LTBP1: variants seen among roughly 807,000 people sequenced by gnomAD.
LTBP1 encodes the protein latent-transforming growth factor beta-binding protein 1.
A neutral mutation model predicts 207.6 loss-of-function variants in LTBP1; 129 were observed. The observed-to-expected ratio is 0.62, with a 90% confidence interval of 0.54 to 0.72. LTBP1 has a LOEUF of 0.72. Ranked by LOEUF, LTBP1 falls within the 30% of genes least tolerant of loss-of-function variation. LTBP1 has a pLI of 0.00. For missense variants in LTBP1, 2,281 were observed against 2,217.2 expected (o/e 1.03, Z -0.58); for synonymous variants, 963 against 833.7 (o/e 1.16, Z -2.67).
chr2:33,279,400 A>G (rs999042789), intron 18 of LTBP1, among the ~76,000 whole-genome samples: 1 of 152,204 alleles, frequency 6.6e-6, no homozygotes, highest in African/African-American at 2.4e-5. Context: ...TCAGTTAGCT[A>G]TGAATATGAA....
chr2:33,251,788 CG>C (rs746494641), intron 10 of LTBP1, among the ~76,000 whole-genome samples: 175 of 151,556 alleles, frequency 1.2e-3, no homozygotes, highest in Non-Finnish European at 2.1e-3. Context: ...GAATGGGCGG[CG>C]GGGGGACACC....
intron 10 of LTBP1, 27 bp from the exon 11 acceptor site, chr2:33,252,650 A>G (rs2092715914): frequency 1.9e-6 from 3 of 1,584,308 alleles, no homozygotes; most frequent in Non-Finnish European, 1.7e-6. Flanking sequence ...TTCTCATGTA[A>G]TGTCGGGCTT....
At chr2:33,327,571 A>G (rs556106519) in intron 24 of LTBP1, among the ~76,000 whole-genome samples, 1 of 152,178 alleles carries the variant, frequency 6.6e-6, no homozygotes, top group Non-Finnish European at 1.5e-5. Flanking sequence ...TTCCTATTTT[A>G]AAAAAAGTAG....
chr2:33,317,671 A>G (rs902568535), intron 24 of LTBP1: 9 of 152,222 alleles, frequency 5.9e-5, no homozygotes, highest in Non-Finnish European at 1.3e-4. Context: ...TTCTTATCTC[A>G]TGTCCATTTA....
chr2:33,374,476 G>A (rs181616704), intron 31 of LTBP1, among the ~76,000 whole-genome samples: 39 of 152,272 alleles, frequency 2.6e-4, no homozygotes, highest in African/African-American at 8.7e-4. Flanking sequence ...CACTTACAAT[G>A]GAAAATTAAA....
intron 25 of LTBP1, among the ~76,000 whole-genome samples, chr2:33,346,684 C>CAA (rs112831759): frequency 7.8e-6 from 1 of 128,130 alleles, no homozygotes; most frequent in Non-Finnish European, 1.7e-5. Flanking sequence ...GACGCCGTCT[C>CAA]AAAAAAAAAA....
intron 32 of LTBP1, among the ~76,000 whole-genome samples, chr2:33,392,479 C>T (rs957324201): frequency 4.6e-5 from 7 of 152,130 alleles, no homozygotes; most frequent in South Asian, 2.1e-4. Context: ...GACACCGCAC[C>T]GAGCCCAGAT....
intron 7 of LTBP1, among the ~76,000 whole-genome samples, chr2:33,206,074 C>G (rs1334181767): frequency 6.6e-6 from 1 of 152,146 alleles, no homozygotes; most frequent in Non-Finnish European, 1.5e-5. Flanking sequence ...CAATCTAACA[C>G]ATAGTTTTGG....
intron 23 of LTBP1, 116 bp downstream of exon 23, chr2:33,309,672 A>C: frequency 8.2e-7 from 1 of 1,213,980 alleles, no homozygotes; most frequent in Non-Finnish European, 1.2e-6. Context: ...AATTTATGTC[A>C]ATTTTTGATA....
intron 5 of LTBP1, among the ~76,000 whole-genome samples, chr2:33,174,449 G>A (rs572787622): frequency 6.6e-4 from 101 of 152,206 alleles, no homozygotes; most frequent in African/African-American, 2.2e-3. Flanking sequence ...CAACTTACAA[G>A]GGATGTGAAG....
intron 15 of LTBP1, among the ~76,000 whole-genome samples, chr2:33,266,252 G>A (rs893959457): frequency 3.9e-5 from 6 of 152,212 alleles, no homozygotes; most frequent in South Asian, 2.1e-4. Flanking sequence ...GTCCCCTGTC[G>A]CCTTGGCCCC....
chr2:33,222,216 T>C, intron 9 of LTBP1, 65 bp downstream of exon 9: 1 of 1,160,916 alleles, frequency 8.6e-7, no homozygotes, highest in Non-Finnish European at 1.3e-6. Context: ...AAACTTCAGT[T>C]GTTTGCCACG....
intron 5 of LTBP1, among the ~76,000 whole-genome samples, chr2:33,154,766 A>G (rs949389959): frequency 6.6e-6 from 1 of 152,242 alleles, no homozygotes; most frequent in Non-Finnish European, 1.5e-5. Flanking sequence ...ATTATCTACC[A>G]TAAAAGTTGA....
intron 26 of LTBP1, among the ~76,000 whole-genome samples, chr2:33,354,189 G>A (rs535341028): frequency 6.6e-6 from 1 of 152,190 alleles, no homozygotes; most frequent in South Asian, 2.1e-4. Flanking sequence ...TTTAAAGGCA[G>A]GAAGCCACAT....
intron 3 of LTBP1, among the ~76,000 whole-genome samples, chr2:33,085,717 G>T (rs898370215): frequency 6.6e-6 from 1 of 152,152 alleles, no homozygotes; most frequent in African/African-American, 2.4e-5. Context: ...AAGAGGCAGG[G>T]GGGCCAGGAT....
chr2:33,199,110 G>A (rs7564806), intron 7 of LTBP1, among the ~76,000 whole-genome samples: 63,175 of 151,518 alleles, frequency 0.42, 13,699 homozygotes, highest in Non-Finnish European at 0.47. Context: ...CTTTGTTCTC[G>A]TTGGTTTCAA....
chr2:33,139,058 C>T (rs1481565327), intron 5 of LTBP1, among the ~76,000 whole-genome samples: 11 of 147,980 alleles, frequency 7.4e-5, no homozygotes, highest in Admixed American at 1.3e-4. Context: ...CGGGGTTTCA[C>T]CGTGTTAGCC....
chr2:33,350,432 A>T (rs531003316), intron 26 of LTBP1, among the ~76,000 whole-genome samples: 25 of 152,336 alleles, frequency 1.6e-4, no homozygotes, highest in African/African-American at 5.3e-4. Flanking sequence ...GCCCCAGAAA[A>T]TACTGGAGTG....
chr2:33,172,890 G>T (rs1287742473), intron 5 of LTBP1, among the ~76,000 whole-genome samples: 2 of 152,080 alleles, frequency 1.3e-5, no homozygotes, highest in Non-Finnish European at 2.9e-5. Flanking sequence ...TGAACAACCT[G>T]CTCCTGAATG....
Sources: gnomAD v4.1 joint callset for allele counts (sites outside exome capture counted in the v4.1 genomes callset) on GRCh38, gnomAD v4.1.1 for gene constraint, MANE v1.5 for transcripts, NCBI Gene and HGNC (gene_info 2026-07-23, HGNC 2026-07-21) for gene names.